The following LGR6 variants were observed in gnomAD, a reference collection of about 807,000 sequenced individuals.
The protein encoded by LGR6 is leucine rich repeat containing G protein-coupled receptor 6.
In LGR6, 45 loss-of-function variants were observed where a neutral mutation model predicts 69.4. The observed-to-expected ratio is 0.65, with a 90% CI of 0.51 to 0.83. LGR6 has a LOEUF of 0.83. Ranked by LOEUF, LGR6 falls within the 40% of genes least tolerant of loss-of-function variation. The pLI, the probability that LGR6 is intolerant of heterozygous loss-of-function variation, is 0.00. For synonymous variants in LGR6, 538 were observed against 555.0 expected, an observed-to-expected ratio of 0.97 and a Z score of 0.43; for missense variants, 1,108 against 1,246.7, an observed-to-expected ratio of 0.89 and a Z score of 1.68.
At chr1:202,252,493 C>T (rs1034617568) in intron 4 of LGR6, among the ~76,000 whole-genome samples, 1 of 152,190 alleles carries the variant, frequency 6.6e-6, no homozygotes, top group Non-Finnish European at 1.5e-5. Context: ...CCCCTGGGCT[C>T]CTGTACGTGA....
Position 202,257,927 on chromosome 1 carries a change from T to A in LGR6, c.429-18379T>A, listed in dbSNP as rs542901500. Among the ~76,000 whole-genome samples the A allele has an allele frequency of 2.1e-4, 32 of 152,140 alleles. 1 individual carries two copies. Among genetic ancestry groups the A allele is most frequent in the Non-Finnish European group, 4.0e-4 (27 of 67,968 alleles). On this transcript the variant is annotated intron_variant, in intron 4 of 17. Transcript: ENST00000367278. ...GAGTATTGCCATCTTAACAATATTG[T>A]CTTCCAATCCATGAATATGGGATAT... is the stretch of plus-strand genomic sequence containing the variant.
At chr1:202,287,941 T>C (rs1486562033) in intron 6 of LGR6, among the ~76,000 whole-genome samples, 2 of 152,114 alleles carry the variant, frequency 1.3e-5, no homozygotes, top group Non-Finnish European at 2.9e-5. Context: ...TATTTTAATA[T>C]ACAAATCAGG....
At chr1:202,200,800 A>G (rs1340558211) in intron 1 of LGR6, among the ~76,000 whole-genome samples, 1 of 152,188 alleles carries the variant, frequency 6.6e-6, no homozygotes, top group African/African-American at 2.4e-5. Flanking sequence ...AAACTTGGGC[A>G]GTGAGCAGAG....
At chr1:202,276,192 T>C in intron 4 of LGR6, 114 bp from the exon 5 acceptor site, 2 of 771,798 alleles carry the variant, frequency 2.6e-6, no homozygotes, top group Admixed American at 2.4e-5. Flanking sequence ...GTCACAACTT[T>C]AGTCCCAGGG....
intron 4 of LGR6, among the ~76,000 whole-genome samples, chr1:202,265,410 A>T (rs1664566592): frequency 6.6e-6 from 1 of 152,188 alleles, no homozygotes. Flanking sequence ...GCAAGGGATG[A>T]GCCCCAAGTG....
At chr1:202,310,414 G>C in intron 16 of LGR6, 57 bp downstream of exon 16, 1 of 1,550,808 alleles carries the variant, frequency 6.4e-7, no homozygotes, top group African/African-American at 1.4e-5. Context: ...GAGGAAGTTA[G>C]AGGGGATGCT....
intron 1 of LGR6, among the ~76,000 whole-genome samples, chr1:202,214,705 A>G (rs996375777): frequency 6.6e-6 from 1 of 152,228 alleles, no homozygotes; most frequent in Admixed American, 6.5e-5. Flanking sequence ...AAATTAAATG[A>G]AACCAAGGAT....
intron 3 of LGR6, among the ~76,000 whole-genome samples, chr1:202,234,192 G>T (rs1294410951): frequency 3.3e-5 from 5 of 152,228 alleles, no homozygotes; most frequent in Non-Finnish European, 7.4e-5. Flanking sequence ...GCCCCTTCCT[G>T]CAGCCAGGCC....
chr1:202,254,997 G>T (rs1337481263), intron 4 of LGR6, among the ~76,000 whole-genome samples: 1 of 152,172 alleles, frequency 6.6e-6, no homozygotes, highest in Non-Finnish European at 1.5e-5. Context: ...AATTGGGGGC[G>T]CGGGGATGGG....
chr1:202,225,179 A>AG (rs1277113341), intron 1 of LGR6, among the ~76,000 whole-genome samples: 1 of 152,208 alleles, frequency 6.6e-6, no homozygotes, highest in Non-Finnish European at 1.5e-5. Context: ...TGAAAGGCAG[A>AG]GGGGAAAGTG....
chr1:202,205,990 C>CACACACACA (rs778470804), intron 1 of LGR6, among the ~76,000 whole-genome samples: 4 of 83,328 alleles, frequency 4.8e-5, no homozygotes, highest in South Asian at 5.6e-4. Context: ...ACACACACAC[C>CACACACACA]CCTAGTATGG....
chr1:202,271,305 A>G (rs1296843759), intron 4 of LGR6, among the ~76,000 whole-genome samples: 1 of 152,024 alleles, frequency 6.6e-6, no homozygotes, highest in African/African-American at 2.4e-5. Context: ...AGGGGAGCCT[A>G]GGACCCCCCT....
intron 4 of LGR6, among the ~76,000 whole-genome samples, chr1:202,256,475 TC>T (rs1200924479): frequency 2.0e-5 from 3 of 152,226 alleles, no homozygotes; most frequent in Non-Finnish European, 4.4e-5. Context: ...ACTCGTGACC[TC>T]AGGTGATCTG....
intron 4 of LGR6, among the ~76,000 whole-genome samples, chr1:202,246,502 TGC>T (rs1332939797): frequency 2.0e-5 from 3 of 147,114 alleles, no homozygotes; most frequent in African/African-American, 7.6e-5. Context: ...CTTTGACGAG[TGC>T]TTGAAATGCC....
intron 6 of LGR6, among the ~76,000 whole-genome samples, chr1:202,283,568 G>A (rs1021909147): frequency 1.1e-4 from 17 of 152,156 alleles, no homozygotes; most frequent in African/African-American, 2.9e-4. Flanking sequence ...CCCAAGCTGC[G>A]GTTTGGCTGG....
chr1:202,224,723 G>T (rs188411131), intron 1 of LGR6, among the ~76,000 whole-genome samples: 1 of 152,196 alleles, frequency 6.6e-6, no homozygotes, highest in South Asian at 2.1e-4. Context: ...CTGACAGGAG[G>T]TGGAGCTCAG....
chr1:202,204,689 AC>A (rs149902160), intron 1 of LGR6, among the ~76,000 whole-genome samples: 2,171 of 37,356 alleles, frequency 0.058, 34 homozygotes, highest in South Asian at 0.089. Flanking sequence ...ACACACACAC[AC>A]CCCCAAACAC....
intron 6 of LGR6, among the ~76,000 whole-genome samples, chr1:202,283,474 G>A (rs1666164789): frequency 6.6e-6 from 1 of 152,188 alleles, no homozygotes; most frequent in Admixed American, 6.6e-5. Context: ...CACTGGAAGG[G>A]TATTTCTCCC....
intron 1 of LGR6, among the ~76,000 whole-genome samples, chr1:202,207,139 A>G (rs1378238270): frequency 1.3e-5 from 2 of 151,592 alleles, no homozygotes; most frequent in African/African-American, 4.9e-5. Flanking sequence ...CTGGTCTCGA[A>G]CTCCTGACCT....
Sources: gnomAD v4.1 joint callset for allele counts (sites outside exome capture counted in the v4.1 genomes callset) on GRCh38, gnomAD v4.1.1 for gene constraint, MANE v1.5 for transcripts, NCBI Gene and HGNC (gene_info 2026-07-23, HGNC 2026-07-21) for gene names.